MTRR: variants seen among roughly 807,000 people sequenced by gnomAD.
MTRR encodes 5-methyltetrahydrofolate-homocysteine methyltransferase reductase, also known as methionine synthase reductase.
Under a neutral mutation model 79.2 loss-of-function variants are expected in MTRR, and 63 were observed. The ratio of observed to expected loss-of-function variants is 0.80; its 90% CI spans 0.65 to 0.98. MTRR has a LOEUF of 0.98. Among genes scored for constraint, MTRR ranks in the 50% least tolerant of loss-of-function variants. MTRR has a pLI of 0.00. For synonymous variants in MTRR, 355 were observed against 313.3 expected (o/e 1.13, Z -1.41); for missense variants, 895 against 839.6 (o/e 1.07, Z -0.82).
chr5:7,877,914 TTTTG>T (rs1200232063), intron 4 of MTRR, 26 bp from the exon 5 acceptor site: 2 of 1,608,592 alleles, frequency 1.2e-6, no homozygotes, highest in Admixed American at 1.7e-5. Context: ...TAGGCATTTG[TTTTG>T]TTTTTCGTTT....
At chr5:7,887,793 C>CATATGTACATATAT in intron 8 of MTRR, among the ~76,000 whole-genome samples, 1 of 92,022 alleles carries the variant, frequency 1.1e-5, no homozygotes, top group African/African-American at 5.5e-5. Flanking sequence ...TGTGTGTGTG[C>CATATGTACATATAT]ATATATATAT....
chr5:7,895,118 C>G (rs995543658), intron 11 of MTRR, among the ~76,000 whole-genome samples: 1 of 152,146 alleles, frequency 6.6e-6, no homozygotes, highest in Non-Finnish European at 1.5e-5. Context: ...ATGACTTTTG[C>G]ATATGACAGT....
chr5:7,858,630 T>C (rs1746328801), intron 1 of MTRR, among the ~76,000 whole-genome samples: 1 of 152,164 alleles, frequency 6.6e-6, no homozygotes, highest in Non-Finnish European at 1.5e-5. Flanking sequence ...CACTGTGTGC[T>C]TACTCTGTGC....
upstream of MTRR, chr5:7,868,839 C>T: frequency 5.7e-6 from 3 of 523,158 alleles, no homozygotes; most frequent in South Asian, 4.1e-5. Context: ...AAGGGACCCG[C>T]GGGGCGAGCA....
intron 1 of MTRR, among the ~76,000 whole-genome samples, chr5:7,857,325 T>C (rs1461106469): frequency 6.6e-6 from 1 of 152,174 alleles, no homozygotes; most frequent in Non-Finnish European, 1.5e-5. Flanking sequence ...AGCATGAGAA[T>C]TCAGTTTAAA....
intron 2 of MTRR, among the ~76,000 whole-genome samples, chr5:7,872,579 T>G (rs1042236269): frequency 1.2e-4 from 19 of 152,244 alleles, no homozygotes; most frequent in African/African-American, 4.1e-4. Context: ...GTCCCTGATT[T>G]AGAAGGGGTA....
chr5:7,867,565 C>T (rs761815748), upstream of MTRR: 2 of 1,614,270 alleles, frequency 1.2e-6, no homozygotes, highest in South Asian at 2.2e-5. Context: ...TAGTGTTTGA[C>T]AGCTGTGAGG....
chr5:7,864,311 TAAAA>T (rs1013210791), upstream of MTRR, among the ~76,000 whole-genome samples: 11 of 152,238 alleles, frequency 7.2e-5, no homozygotes, highest in African/African-American at 2.4e-4. Flanking sequence ...AATACATAAA[TAAAA>T]ATTCAATTTT....
chr5:7,880,035 G>A (rs989638403), intron 5 of MTRR, among the ~76,000 whole-genome samples: 1 of 152,244 alleles, frequency 6.6e-6, no homozygotes, highest in African/African-American at 2.4e-5. Flanking sequence ...TGAGGTACAA[G>A]GTGCACTAGT....
At chr5:7,887,831 T>TATATATATATATATAA (rs1166510384) in intron 8 of MTRR, among the ~76,000 whole-genome samples, 1 of 20,392 alleles carries the variant, frequency 4.9e-5, no homozygotes, top group Non-Finnish European at 8.9e-5. Flanking sequence ...TATATATATA[T>TATATATATATATATAA]GGGTTTTTTC....
chr5:7,861,562 A>C (rs758847388), intron 1 of MTRR: 1 of 1,535,030 alleles, frequency 6.5e-7, no homozygotes, highest in Non-Finnish European at 8.8e-7. Flanking sequence ...GTAATGTGAA[A>C]AACACAACAT....
upstream of MTRR, chr5:7,869,058 G>A: frequency 2.6e-6 from 4 of 1,550,926 alleles, no homozygotes; most frequent in South Asian, 3.3e-5. Flanking sequence ...CGCGGGGCGG[G>A]AGCACGACTC....
upstream of MTRR, chr5:7,866,022 T>G (rs1746920934): frequency 6.7e-7 from 1 of 1,482,090 alleles, no homozygotes; most frequent in Non-Finnish European, 9.4e-7. Context: ...TACGTCTGAA[T>G]TGAGGTATGT....
intron 6 of MTRR, among the ~76,000 whole-genome samples, chr5:7,883,980 T>C (rs2126732865): frequency 6.6e-6 from 1 of 152,252 alleles, no homozygotes; most frequent in African/African-American, 2.4e-5. Flanking sequence ...CTGGGTAACA[T>C]GGCAAGACCT....
chr5:7,866,483 G>A (rs1746958185), upstream of MTRR, among the ~76,000 whole-genome samples: 1 of 152,126 alleles, frequency 6.6e-6, no homozygotes, highest in African/African-American at 2.4e-5. Flanking sequence ...TTCCTAGCAT[G>A]CTTTAACTGT....
intron 1 of MTRR, among the ~76,000 whole-genome samples, chr5:7,852,680 T>C (rs1444500657): frequency 3.3e-5 from 5 of 152,038 alleles, no homozygotes; most frequent in Non-Finnish European, 7.4e-5. Context: ...GCTGAAGTCA[T>C]GAAAGGCATG....
At chr5:7,899,512 G>A (rs1579847394) in intron 14 of MTRR, among the ~76,000 whole-genome samples, 1 of 152,194 alleles carries the variant, frequency 6.6e-6, no homozygotes, top group South Asian at 2.1e-4. Context: ...AGACCTAGAA[G>A]TGTGCGAGAG....
rs1738585073 is a variant in MTRR, at chr5:7,896,750, C to T, written c.1677-114C>T. ...AATTAAATGACTGAATGTTCAAATG[C>T]AGAGATGGATTTTACAAATCCGTCT... On this transcript the variant is annotated intron_variant, in intron 12 of 14. Transcript: ENST00000440940. 6 of 842,326 alleles carry T rather than the reference C, an allele frequency of 7.1e-6. No homozygotes were observed. In the South Asian group the frequency reaches 8.7e-5, roughly 12 times the overall value. 52.2% of individuals were successfully genotyped at this position (842,326 alleles called of 1,614,324 possible).
intron 2 of MTRR, chr5:7,863,136 A>C: frequency 2.8e-6 from 2 of 722,792 alleles, no homozygotes; most frequent in Admixed American, 5.3e-5. Context: ...TGGGACAGGC[A>C]TCTCTCTCAA....
Sources: gnomAD v4.1 joint callset for allele counts (sites outside exome capture counted in the v4.1 genomes callset) on GRCh38, gnomAD v4.1.1 for gene constraint, MANE v1.5 for transcripts, NCBI Gene and HGNC (gene_info 2026-07-23, HGNC 2026-07-21) for gene names.